Variants in SPATC1L observed in about 807,000 individuals in gnomAD.
SPATC1L encodes the protein speriolin-like protein.
In SPATC1L, 20 loss-of-function variants were observed where a neutral mutation model predicts 21.2. That is an observed-to-expected ratio of 0.94 (90% confidence interval 0.66 to 1.37). SPATC1L has a LOEUF of 1.37. SPATC1L is among the 40% of genes most tolerant of loss of function. The probability of loss-of-function intolerance (pLI) is 0.00; values close to 1 mark genes in which losing one functional copy is unlikely to be tolerated. For missense variants in SPATC1L, 499 were observed against 478.7 expected (o/e 1.04, Z -0.40); for synonymous variants, 290 against 234.5 (o/e 1.24, Z -2.16).
chr21:46,161,358 A>G lies in SPATC1L; in HGVS notation c.*21T>C. The stretch of plus-strand genomic sequence containing the variant: ...GGAACAAACGCGTTTACTGCAGGCA[A>G]GGCGGCGGGCGCGGGGCGGCTCACC... On this transcript the variant is annotated 3_prime_UTR_variant, in exon 5 of 5. Coordinates refer to ENST00000291672, the MANE Select transcript of SPATC1L (RefSeq NM_001142854.2). 1 of 1,493,806 alleles carries G rather than the reference A, an allele frequency of 6.7e-7. No homozygotes were observed. The highest frequency in any genetic ancestry group is 8.9e-7 in the Non-Finnish European group (1 of 1,126,952). The allele number at this position is 1,493,806 out of a possible 1,614,324, so 92.5% of individuals were successfully genotyped here.
At position 46,182,795 on chromosome 21, in the gene SPATC1L, T is replaced by C. The variant is rs1381829967; in HGVS notation, c.22A>G (p.Met8Val). 2 of 1,543,476 alleles carry C rather than the reference T, an allele frequency of 1.3e-6. No homozygotes were observed. The highest frequency in any genetic ancestry group is 1.7e-6 in the Non-Finnish European group (2 of 1,143,900). Residue 8 changes from methionine to valine, a missense_variant, in exon 2 of 5, where the codon ATG (methionine) becomes GTG (valine). Physicochemically the swap from Met to Val is conservative, Grantham distance 21. Transcript: ENST00000291672. MAEGGEL[M>V]SRLLSENADL... Reference sequence around the variant, plus strand: ...GCGTTCTCGCTCAGGAGCCGGCTCATCAGCTCGCCGCCTTCAGCCATGGCG... The same window carrying C: ...GCGTTCTCGCTCAGGAGCCGGCTCACCAGCTCGCCGCCTTCAGCCATGGCG...
chr21:46,171,023 G>C (rs1241790659), intron 2 of SPATC1L, among the ~76,000 whole-genome samples: 1 of 151,972 alleles, frequency 6.6e-6, no homozygotes, highest in African/African-American at 2.4e-5. Flanking sequence ...TTTGTGGATG[G>C]GGAGGAGCCT....
intron 2 of SPATC1L, among the ~76,000 whole-genome samples, chr21:46,169,473 T>C (rs12483395): frequency 2.4e-4 from 24 of 98,308 alleles, no homozygotes; most frequent in East Asian, 4.7e-4. Context: ...GGGAGGAGCC[T>C]CCTGCTCTGT....
At chr21:46,181,224 C>G (rs1399474133) in intron 2 of SPATC1L, among the ~76,000 whole-genome samples, 1 of 152,210 alleles carries the variant, frequency 6.6e-6, no homozygotes, top group Admixed American at 6.5e-5. Context: ...GCACGTGGCC[C>G]AGCACCGTAA....
chr21:46,168,422 G>C lies in SPATC1L; in HGVS notation c.430C>G (p.Leu144Val), dbSNP rs758555680. 6.2e-7 allele frequency: 1 copy of C among 1,612,826 alleles called. No homozygotes were observed. The highest frequency in any genetic ancestry group is 1.1e-5 in the South Asian group (1 of 90,850). Residue 144 changes from leucine to valine, a missense_variant, in exon 3 of 5, where the codon CTG (leucine) becomes GTG (valine). Coordinates refer to ENST00000291672, the MANE Select transcript of SPATC1L (RefSeq NM_001142854.2). ...GGCTCCAGCAGGGTCTTGTCCACCAGTGAGTCTTGCAAGGGGCTCAGGAGC... is the reference window on the plus strand; with the variant it reads ...GGCTCCAGCAGGGTCTTGTCCACCACTGAGTCTTGCAAGGGGCTCAGGAGC... Reference protein sequence around the residue: ...SPLLSPLQDSLVDKTLLEPRE... With the variant: ...SPLLSPLQDSVVDKTLLEPRE...
Position 46,162,036 on chromosome 21 carries a change from G to T in SPATC1L, c.576C>A (p.Asp192Glu), listed in dbSNP as rs756458990. The change falls in exon 4 of 5, where the codon GAC becomes GAA. Residue 192 changes from aspartate to glutamate, a missense_variant. Coordinates refer to ENST00000291672, the MANE Select transcript of SPATC1L (RefSeq NM_001142854.2). ...AGGCGATCTCGCCCACCACGCGCGC[G>T]TCCTTCTCGGCGCCCGCGAAGCTCT... Reference protein sequence around the residue: ...EIQSFAGAEKDARVVGEIAFQ... With the variant: ...EIQSFAGAEKEARVVGEIAFQ... 1 of 1,588,956 alleles carries T rather than the reference G, an allele frequency of 6.3e-7. No homozygotes were observed. The highest frequency in any genetic ancestry group is 8.5e-7 in the Non-Finnish European group (1 of 1,170,078).
At chr21:46,168,741 C>T in intron 2 of SPATC1L, 83 bp from the exon 3 acceptor site, 1 of 876,292 alleles carries the variant, frequency 1.1e-6, no homozygotes, top group Non-Finnish European at 1.6e-6. Context: ...TGTTAACAAC[C>T]CCTATGCACC....
intron 3 of SPATC1L, among the ~76,000 whole-genome samples, chr21:46,162,604 TTAGAC>T (rs1276086083): frequency 6.6e-6 from 1 of 150,408 alleles, no homozygotes; most frequent in Non-Finnish European, 1.5e-5. Context: ...TTTTTTTTTC[TTAGAC>T]AGAGTCTCAC....
rs762516693 is a variant in SPATC1L, at chr21:46,161,453, C to G, written c.949G>C (p.Gly317Arg). The change falls in exon 5 of 5, where the codon GGC becomes CGC. Residue 317 changes from glycine (G) to arginine (R), a missense_variant. Coordinates refer to ENST00000291672, the MANE Select transcript of SPATC1L (RefSeq NM_001142854.2). ...CAGTTGAGCAGCAGCAGCGAGTCGC[C>G]CAGGAACTTGGGGGGCACCACGTCG... ...VIDVVPPKFL[G>R]DSLLLLNCLC... 1.3e-6 allele frequency: 2 copies of G among 1,591,752 alleles called. No homozygotes were observed. The highest frequency in any genetic ancestry group is 1.7e-6 in the Non-Finnish European group (2 of 1,167,368).
intron 2 of SPATC1L, 72 bp from the exon 3 acceptor site, chr21:46,168,730 A>T: frequency 9.0e-7 from 1 of 1,114,272 alleles, no homozygotes; most frequent in Non-Finnish European, 1.2e-6. Context: ...TATAAAGAAC[A>T]TGTTAACAAC....
Position 46,181,186 on chromosome 21 carries a change from G to C in SPATC1L, c.193+1438C>G, listed in dbSNP as rs998199386. Among the ~76,000 whole-genome samples the C allele has an allele frequency of 3.3e-5, 5 of 152,238 alleles. 1 individual carries two copies. Among genetic ancestry groups the C allele is most frequent in the Admixed American group, 1.3e-4 (2 of 15,288 alleles). ...GCCCTTTTGCAGCCACAGTGCCCGG[G>C]CCTCACAAGTGCTGTGAACGGGACC... On this transcript the variant is annotated intron_variant, in intron 2 of 4. Coordinates refer to ENST00000291672, the MANE Select transcript of SPATC1L (RefSeq NM_001142854.2).
chr21:46,170,885 G>A (rs963462969), intron 2 of SPATC1L, among the ~76,000 whole-genome samples: 10 of 147,722 alleles, frequency 6.8e-5, no homozygotes, highest in Non-Finnish European at 1.2e-4. Context: ...TCCCTGCTCT[G>A]TGAACATCCT....
Position 46,161,517 on chromosome 21 carries a change from G to C in SPATC1L, c.885C>G (p.Pro295=), listed in dbSNP as rs1398596217. The part of the protein sequence containing the change: ...LKQRPDLRAN[P]LHSSPAALRK... ...GCAGCGCGGCCGGGCTGCTGTGCAG[G>C]GGGTTGGCGCGCAGGTCGGGCCGCT... Residue 295 remains proline, a synonymous_variant, in exon 5 of 5, where the codon CCC becomes CCG. Transcript: ENST00000291672. 1 of 1,609,932 alleles carries C rather than the reference G, an allele frequency of 6.2e-7. No homozygotes were observed. Among genetic ancestry groups the C allele is most frequent in the African/African-American group, 1.3e-5 (1 of 74,858 alleles).
At position 46,161,272 on chromosome 21, in the gene SPATC1L, G is replaced by T; in HGVS notation, c.*107C>A. 1 of 1,124,722 alleles carries T rather than the reference G, an allele frequency of 8.9e-7. No individual in the cohort carries two copies. The highest frequency in any genetic ancestry group is 1.2e-6 in the Non-Finnish European group (1 of 837,360). 69.7% of individuals were successfully genotyped at this position (1,124,722 alleles called of 1,614,324 possible). A position where few individuals can be genotyped will look rare whatever the true frequency, so the allele number is the denominator to read the frequency against. ...AGCGGGGCCTTCTCTGGCCTCGCGC[G>T]CGGGGGACGCGGCCCTTTCCCCTCC... On this transcript the variant is annotated 3_prime_UTR_variant, in exon 5 of 5. Coordinates refer to ENST00000291672, the MANE Select transcript of SPATC1L (RefSeq NM_001142854.2).
intron 2 of SPATC1L, among the ~76,000 whole-genome samples, chr21:46,175,155 A>G (rs1239625292): frequency 6.6e-6 from 1 of 152,238 alleles, no homozygotes; most frequent in Admixed American, 6.5e-5. Context: ...GGACACAGCT[A>G]GGGCAGTGTT....
chr21:46,164,758 C>T (rs2079527934), intron 3 of SPATC1L, among the ~76,000 whole-genome samples: 1 of 145,926 alleles, frequency 6.9e-6, no homozygotes, highest in South Asian at 2.2e-4. Flanking sequence ...CACCACTGCA[C>T]TCCAGCCTGG....
chr21:46,168,662 A>G lies in SPATC1L; in HGVS notation c.194-4T>C, dbSNP rs2079559620. ...GTGAACCTTCCGAAATCTGGAACTG[A>G]GGCGGGGAGGAAAGGGATGAGAAAT... On this transcript the variant is annotated splice_region_variant and splice_polypyrimidine_tract_variant and intron_variant, in intron 2 of 4. Coordinates refer to ENST00000291672, the MANE Select transcript of SPATC1L (RefSeq NM_001142854.2). The G allele has an allele frequency of 7.4e-7, 1 of 1,357,190 alleles. No homozygotes were observed. Among genetic ancestry groups the G allele is most frequent in the Non-Finnish European group, 9.6e-7 (1 of 1,042,296 alleles). 84.1% of individuals were successfully genotyped at this position (1,357,190 alleles called of 1,614,324 possible).
intron 2 of SPATC1L, among the ~76,000 whole-genome samples, chr21:46,169,344 G>GTCC (rs2079565583): frequency 1.4e-5 from 2 of 141,274 alleles, no homozygotes; most frequent in East Asian, 4.0e-4. Flanking sequence ...ATCCTCTGTG[G>GTCC]ATGGGGAGGA....
chr21:46,162,619 C>G (rs1255651291), intron 3 of SPATC1L, among the ~76,000 whole-genome samples: 1 of 129,536 alleles, frequency 7.7e-6, no homozygotes, highest in African/African-American at 3.0e-5. Context: ...CAGAGTCTCA[C>G]TCTGTCATCC....
Sources: gnomAD v4.1 joint callset for allele counts (sites outside exome capture counted in the v4.1 genomes callset) on GRCh38, gnomAD v4.1.1 for gene constraint, MANE v1.5 for transcripts, NCBI Gene and HGNC (gene_info 2026-07-23, HGNC 2026-07-21) for gene names.